The following PCDH9 variants were observed in gnomAD, a reference collection of about 807,000 sequenced individuals.
The protein encoded by PCDH9 is protocadherin 9, also known as protocadherin-9.
Under a neutral mutation model 70.6 loss-of-function variants are expected in PCDH9, and 24 were observed. That is an observed-to-expected ratio of 0.34 (90% CI 0.25 to 0.48). The LOEUF (loss-of-function observed/expected upper bound fraction) is 0.48, where lower values mean the gene tolerates loss of function less well. PCDH9 is among the 20% of genes least tolerant of loss of function. The pLI is 0.99. For missense variants in PCDH9, 1,281 were observed against 1,503.6 expected, an observed-to-expected ratio of 0.85 and a Z score of 2.45; for synonymous variants, 562 against 558.5, an observed-to-expected ratio of 1.01 and a Z score of -0.09.
At chr13:66,316,671 T>A (rs1396993299) in intron 4 of PCDH9, among the ~76,000 whole-genome samples, 1 of 152,170 alleles carries the variant, frequency 6.6e-6, no homozygotes, top group Non-Finnish European at 1.5e-5. Flanking sequence ...TAGAGGCATT[T>A]CCTTACCACC....
At chr13:66,799,470 A>G (rs1377520354) in intron 3 of PCDH9, among the ~76,000 whole-genome samples, 3 of 152,154 alleles carry the variant, frequency 2.0e-5, no homozygotes, top group Admixed American at 6.6e-5. Flanking sequence ...TTATAAGCAT[A>G]TGATCTACTT....
chr13:66,817,647 T>C (rs57903287), intron 3 of PCDH9, among the ~76,000 whole-genome samples: 2,942 of 152,258 alleles, frequency 0.019, 88 homozygotes, highest in African/African-American at 0.067. Context: ...ATTTACTTTT[T>C]GAGACAGAGT....
rs7994640 is a variant in PCDH9, at chr13:66,680,643, T to G, written c.3139-49232A>C. On this transcript the variant is annotated intron_variant, in intron 3 of 4. Transcript: ENST00000377865. ...AATTGTGCTGTCAATTATAATTTCC[T>G]GTTTCGATTAATGGCATTTCAAAAG... Among the ~76,000 whole-genome samples the G allele has an allele frequency of 7.9e-3, 1,200 of 152,070 alleles. 16 individuals carry two copies. The highest frequency in any genetic ancestry group is 0.027 in the African/African-American group (1,138 of 41,536).
chr13:66,440,759 T>G (rs1160103776), intron 4 of PCDH9, among the ~76,000 whole-genome samples: 1 of 152,222 alleles, frequency 6.6e-6, no homozygotes, highest in African/African-American at 2.4e-5. Flanking sequence ...CAGAACAGTA[T>G]TTTTATTTTA....
At chr13:67,153,167 G>GTTT (rs35270745) in intron 2 of PCDH9, among the ~76,000 whole-genome samples, 16 of 146,306 alleles carry the variant, frequency 1.1e-4, no homozygotes, top group African/African-American at 4.0e-4. Flanking sequence ...CCCTTTCACA[G>GTTT]TTTTTTTTTT....
chr13:66,716,345 A>G (rs969168512), intron 3 of PCDH9, among the ~76,000 whole-genome samples: 2 of 152,224 alleles, frequency 1.3e-5, no homozygotes, highest in Non-Finnish European at 2.9e-5. Context: ...AGACAAATTA[A>G]TGTATGTAAT....
At chr13:66,749,976 GA>G (rs200644615) in intron 3 of PCDH9, among the ~76,000 whole-genome samples, 2,513 of 152,050 alleles carry the variant, frequency 0.017, 77 homozygotes, top group African/African-American at 0.057. Flanking sequence ...ATATTTAAAA[GA>G]AAAAAATGAA....
At chr13:66,812,613 A>G in intron 3 of PCDH9, among the ~76,000 whole-genome samples, 1 of 152,172 alleles carries the variant, frequency 6.6e-6, no homozygotes, top group East Asian at 1.9e-4. Flanking sequence ...TGTGCAAGAA[A>G]CAGAGCAACT....
At chr13:66,385,572 T>C (rs1490123576) in intron 4 of PCDH9, among the ~76,000 whole-genome samples, 1 of 152,170 alleles carries the variant, frequency 6.6e-6, no homozygotes, top group Non-Finnish European at 1.5e-5. Context: ...AAGGTGTCGA[T>C]GGATGTAATG....
intron 3 of PCDH9, among the ~76,000 whole-genome samples, chr13:66,847,950 G>A (rs1011747684): frequency 1.3e-5 from 2 of 152,160 alleles, no homozygotes; most frequent in Non-Finnish European, 2.9e-5. Context: ...TGAATCTCCA[G>A]AAAGGGAAAT....
chr13:66,887,077 ACC>A (rs1555281316), intron 3 of PCDH9, among the ~76,000 whole-genome samples: 1 of 124,408 alleles, frequency 8.0e-6, no homozygotes, highest in Admixed American at 8.4e-5. Flanking sequence ...ACACACACAC[ACC>A]CTGTATTTCT....
chr13:66,964,304 G>C lies in PCDH9; in HGVS notation c.3037-60699C>G, dbSNP rs551422505. On this transcript the variant is annotated intron_variant, in intron 2 of 4. Transcript: ENST00000377865. ...GTTACTTCCTCTAAGACAAGGGTAA[G>C]CATACCAGATAAAGACAGGCAAAAC... Among the ~76,000 whole-genome samples, 204 of 151,632 alleles carry C rather than the reference G, an allele frequency of 1.3e-3. 1 individual carries two copies. The highest frequency in any genetic ancestry group is 0.01 in the Middle Eastern group (3 of 294).
At chr13:66,322,183 A>T (rs1955767656) in intron 4 of PCDH9, among the ~76,000 whole-genome samples, 1 of 151,908 alleles carries the variant, frequency 6.6e-6, no homozygotes, top group South Asian at 2.1e-4. Context: ...TTCTATGAGA[A>T]TACATTCTGG....
At chr13:66,793,315 T>G (rs1349193202) in intron 3 of PCDH9, among the ~76,000 whole-genome samples, 2 of 152,136 alleles carry the variant, frequency 1.3e-5, no homozygotes, top group African/African-American at 2.4e-5. Context: ...ACGAATACCT[T>G]TTGCTATGCA....
chr13:67,226,598 T>G lies in PCDH9; in HGVS notation c.1843A>C (p.Asn615His), dbSNP rs748242548. 1 of 1,614,068 alleles carries G rather than the reference T, an allele frequency of 6.2e-7. No homozygotes were observed. Residue 615 changes from asparagine to histidine, a missense_variant, in exon 2 of 5, where the codon AAT becomes CAT. Asn to His is a moderately conservative substitution (Grantham distance 68). This residue lies in a region of PCDH9 where 798 missense variants were observed against 1,003.1 expected (regional missense o/e 0.80). Coordinates refer to ENST00000377865, the MANE Select transcript of PCDH9 (RefSeq NM_203487.3). The surrounding 1 kb of genome is among the most constrained non-coding windows in gnomAD (Gnocchi z 5.0). ...TAGGGATCCAACACAAAATTATCAT[T>G]GTCATTTAGAATGGAAAGAGTCACA... Reference protein sequence around the residue: ...KAVTLSILNDNDNFVLDPYSG... With the variant: ...KAVTLSILNDHDNFVLDPYSG...
At chr13:67,042,181 C>A (rs1296786276) in intron 2 of PCDH9, among the ~76,000 whole-genome samples, 1 of 152,076 alleles carries the variant, frequency 6.6e-6, no homozygotes, top group Admixed American at 6.6e-5. Context: ...TAGTATTAGT[C>A]TTCTGAGATT....
chr13:66,304,536 G>A lies in PCDH9; in HGVS notation c.*119C>T, dbSNP rs926001189. 2.6e-5 allele frequency: 20 copies of A among 768,976 alleles called. No individual in the cohort carries two copies. In the African/African-American group the frequency reaches 3.5e-4, roughly 13 times the overall value. 47.6% of individuals were successfully genotyped at this position (768,976 alleles called of 1,614,324 possible). On this transcript the variant is annotated 3_prime_UTR_variant, in exon 5 of 5. Coordinates refer to ENST00000377865, the MANE Select transcript of PCDH9 (RefSeq NM_203487.3). ...GTATTCTCCATGGTGCTAACACAAA[G>A]TTATAGGTATCCCTGCTAGAAGGGG... is the stretch of plus-strand genomic sequence containing the variant.
chr13:66,458,532 A>G (rs1373230263), intron 4 of PCDH9, among the ~76,000 whole-genome samples: 2 of 151,948 alleles, frequency 1.3e-5, no homozygotes, highest in African/African-American at 4.8e-5. Flanking sequence ...TGCTTTCTTC[A>G]CTTTCCTACT....
At chr13:66,475,929 G>C (rs1171488261) in intron 4 of PCDH9, among the ~76,000 whole-genome samples, 1 of 152,004 alleles carries the variant, frequency 6.6e-6, no homozygotes, top group Non-Finnish European at 1.5e-5. Context: ...ACTGAGCCCT[G>C]TCTTCCGATT....
Sources: allele counts gnomAD v4.1 joint callset (sites outside exome capture counted in the v4.1 genomes callset), GRCh38; gene constraint gnomAD v4.1.1; regional missense constraint gnomAD v4.1.1; non-coding constraint Gnocchi (gnomAD v3.1); transcripts MANE v1.5; gene names NCBI Gene and HGNC (gene_info 2026-07-23, HGNC 2026-07-21).